The following TSPAN18 variants were observed in gnomAD, a reference collection of about 807,000 sequenced individuals.
TSPAN18 encodes the protein tetraspanin 18.
TSPAN18 carries 14 observed loss-of-function variants against 27.3 expected under a neutral mutation model. The ratio of observed to expected loss-of-function variants is 0.51; its 90% CI spans 0.34 to 0.80. The LOEUF is 0.80. Ranked by LOEUF, TSPAN18 falls within the 30% of genes least tolerant of loss-of-function variation. The pLI, the probability that TSPAN18 is intolerant of heterozygous loss-of-function variation, is 0.01. For missense variants in TSPAN18, 268 were observed against 323.9 expected (o/e 0.83, Z 1.32); for synonymous variants, 143 against 136.5 (o/e 1.05, Z -0.33).
At chr11:44,771,954 G>A (rs968360009) in intron 2 of TSPAN18, among the ~76,000 whole-genome samples, 1 of 152,204 alleles carries the variant, frequency 6.6e-6, no homozygotes, top group Non-Finnish European at 1.5e-5. Context: ...TATAGAGGCC[G>A]AGAAATCCTG....
chr11:44,755,166 G>A (rs929292066), intron 1 of TSPAN18, among the ~76,000 whole-genome samples: 5 of 152,134 alleles, frequency 3.3e-5, no homozygotes, highest in Non-Finnish European at 5.9e-5. Context: ...CCCACCAAGA[G>A]CTAATGGGCT....
At chr11:44,776,938 C>G (rs1471961840) in intron 2 of TSPAN18, among the ~76,000 whole-genome samples, 1 of 152,220 alleles carries the variant, frequency 6.6e-6, no homozygotes, top group African/African-American at 2.4e-5. Context: ...GCCCCAGGAG[C>G]CTGCATGGGC....
chr11:44,866,766 C>T (rs1377412682), intron 3 of TSPAN18, among the ~76,000 whole-genome samples: 1 of 152,226 alleles, frequency 6.6e-6, no homozygotes, highest in Non-Finnish European at 1.5e-5. Flanking sequence ...ACACTGCAGC[C>T]ACCTTCATGG....
intron 5 of TSPAN18, among the ~76,000 whole-genome samples, chr11:44,917,391 A>T (rs1239210053): frequency 6.6e-6 from 1 of 152,214 alleles, no homozygotes; most frequent in Non-Finnish European, 1.5e-5. Context: ...ACTGTGTTAG[A>T]TACCAAACTC....
chr11:44,763,553 C>G (rs1855499887), intron 1 of TSPAN18, among the ~76,000 whole-genome samples: 1 of 152,020 alleles, frequency 6.6e-6, no homozygotes, highest in African/African-American at 2.4e-5. Context: ...TTGGGTCTGC[C>G]CAAAGAGCCT....
chr11:44,852,309 C>T (rs950059156), intron 2 of TSPAN18, among the ~76,000 whole-genome samples: 5 of 152,158 alleles, frequency 3.3e-5, no homozygotes, highest in African/African-American at 9.7e-5. Flanking sequence ...CAATGTTACA[C>T]GTAGTAACAA....
chr11:44,902,315 G>A (rs1859292021), intron 3 of TSPAN18, among the ~76,000 whole-genome samples: 1 of 152,244 alleles, frequency 6.6e-6, no homozygotes, highest in South Asian at 2.1e-4. Flanking sequence ...GTGATGGGCT[G>A]GGATTCGAAC....
intron 2 of TSPAN18, among the ~76,000 whole-genome samples, chr11:44,773,276 C>T (rs1462644856): frequency 3.3e-5 from 5 of 151,886 alleles, no homozygotes; most frequent in Admixed American, 2.0e-4. Flanking sequence ...ATTAGCCGGG[C>T]GTGGTGGCAC....
At chr11:44,840,128 A>T (rs1857343305) in intron 2 of TSPAN18, among the ~76,000 whole-genome samples, 2 of 152,232 alleles carry the variant, frequency 1.3e-5, no homozygotes, top group South Asian at 4.1e-4. Context: ...GAGGCCAGGG[A>T]ACCTTGAGCA....
At chr11:44,794,819 G>T (rs959644088) in intron 2 of TSPAN18, among the ~76,000 whole-genome samples, 6 of 152,216 alleles carry the variant, frequency 3.9e-5, no homozygotes, top group African/African-American at 1.4e-4. Flanking sequence ...GAAAGCGCCT[G>T]TCTGATGAAG....
chr11:44,851,132 T>G (rs1206290117), intron 2 of TSPAN18, among the ~76,000 whole-genome samples: 1 of 152,212 alleles, frequency 6.6e-6, no homozygotes, highest in African/African-American at 2.4e-5. Context: ...CACGTGTGTG[T>G]GGGGATGTGA....
At chr11:44,890,717 T>C (rs1306068131) in intron 3 of TSPAN18, among the ~76,000 whole-genome samples, 4 of 143,090 alleles carry the variant, frequency 2.8e-5, no homozygotes, top group Non-Finnish European at 4.5e-5. Context: ...CACTCCAGCC[T>C]TGGCAACAGA....
chr11:44,779,394 G>A (rs1195854778), intron 2 of TSPAN18, among the ~76,000 whole-genome samples: 1 of 152,174 alleles, frequency 6.6e-6, no homozygotes, highest in African/African-American at 2.4e-5. Flanking sequence ...GTTCAGTGAA[G>A]GCCCCTCCTT....
intron 3 of TSPAN18, among the ~76,000 whole-genome samples, chr11:44,862,879 A>G (rs1024278661): frequency 7.9e-5 from 12 of 152,176 alleles, no homozygotes; most frequent in Admixed American, 5.2e-4. Context: ...GCCACTTGTC[A>G]TGGCCCTGGG....
intron 2 of TSPAN18, among the ~76,000 whole-genome samples, chr11:44,838,178 T>C (rs886333917): frequency 6.6e-6 from 1 of 152,190 alleles, no homozygotes; most frequent in Non-Finnish European, 1.5e-5. Flanking sequence ...GGGTAATTTA[T>C]AGAGGAAAGA....
intron 2 of TSPAN18, among the ~76,000 whole-genome samples, chr11:44,816,408 C>A (rs1324601873): frequency 6.6e-6 from 1 of 152,218 alleles, no homozygotes; most frequent in Non-Finnish European, 1.5e-5. Flanking sequence ...CCCTCTGGTT[C>A]ATCAGAATCG....
chr11:44,887,583 T>A (rs1858698779), intron 3 of TSPAN18, among the ~76,000 whole-genome samples: 1 of 152,170 alleles, frequency 6.6e-6, no homozygotes, highest in Non-Finnish European at 1.5e-5. Flanking sequence ...TAAAAGTAAG[T>A]TTCCTGTGTT....
intron 2 of TSPAN18, among the ~76,000 whole-genome samples, chr11:44,826,422 G>T (rs1857044659): frequency 6.6e-6 from 1 of 152,172 alleles, no homozygotes; most frequent in South Asian, 2.1e-4. Flanking sequence ...GAGAAACTCT[G>T]TCTCAAAAAA....
At chr11:44,901,818 T>C (rs763741393) in intron 3 of TSPAN18, among the ~76,000 whole-genome samples, 25 of 152,190 alleles carry the variant, frequency 1.6e-4, no homozygotes, top group Non-Finnish European at 1.3e-4. Flanking sequence ...ATACAAGCTG[T>C]GTGATACTGG....
Sources: gnomAD v4.1 joint callset for allele counts (sites outside exome capture counted in the v4.1 genomes callset) on GRCh38, gnomAD v4.1.1 for gene constraint, MANE v1.5 for transcripts, NCBI Gene and HGNC (gene_info 2026-07-23, HGNC 2026-07-21) for gene names.